Variants in SLITRK2 observed in about 807,000 individuals in gnomAD.
SLITRK2 encodes SLIT and NTRK like family member 2, also known as SLIT and NTRK-like protein 2.
A neutral mutation model predicts 35.4 loss-of-function variants in SLITRK2; 13 were observed. The ratio of observed to expected loss-of-function variants is 0.37; its 90% CI spans 0.24 to 0.58. The LOEUF is 0.58. SLITRK2 is among the 20% of genes least tolerant of loss of function. The pLI is 0.75. For missense variants in SLITRK2, 471 were observed against 634.3 expected (o/e 0.74, Z 2.76); for synonymous variants, 294 against 264.7 (o/e 1.11, Z -1.07).
intron 2 of SLITRK2, 27 bp from the exon 3 acceptor site, chrX:145,821,321 G>T (rs1556943175): frequency 9.1e-6 from 1 of 109,591 alleles, no homozygotes; most frequent in African/African-American, 3.3e-5. Context: ...AAACCCCTCT[G>T]CAGGAGCTTC....
chrX:145,826,041 T>C lies in SLITRK2; in HGVS notation c.*1078T>C, dbSNP rs1256694109. ...ACTTTTTAATTGAAATTAATATTTT[T>C]TCTGCCTATTGAAACATTTTCTATA... On this transcript the variant is annotated 3_prime_UTR_variant, in exon 5 of 5. Transcript: ENST00000335565. The C allele has an allele frequency of 1.8e-5, 2 of 111,554 alleles. No individual in the cohort carries two copies. The highest frequency in any genetic ancestry group is 6.5e-5 in the African/African-American group (2 of 30,708). The allele number at this position is 111,554 out of a possible 1,213,427, so 9.2% of individuals were successfully genotyped here. A position where few individuals can be genotyped will look rare whatever the true frequency, so the allele number is the denominator to read the frequency against.
In SLITRK2 at chrX:145,823,295, T is replaced by G. The variant is rs371180123; in HGVS notation, c.870T>G (p.Asn290Lys). ...TCCAAAGGCTGTCACCTACAATGAA[T>G]CCTGCTCTCAACCCAACCAGGGCTC... is the stretch of plus-strand genomic sequence containing the variant. ...THVQRLSPTM[N>K]PALNPTRAPK... is the part of the protein sequence containing the mutation. The change falls in exon 5 of 5, where the codon AAT (asparagine) becomes AAG (lysine). Residue 290 changes from asparagine to lysine, a missense_variant. Around this residue, in one of 7 missense-constraint regions of SLITRK2, gnomAD observed 56 missense variants for 48.7 expected, o/e 1.15. Transcript: ENST00000335565. 4.2e-4 allele frequency: 514 copies of G among 1,209,686 alleles called. 3 individuals carry two copies. The South Asian group carries it at 6.7e-3, about 16-fold the overall frequency.
At position 145,823,743 on chromosome X, in the gene SLITRK2, C is replaced by G. The variant is rs2124182991; in HGVS notation, c.1318C>G (p.Pro440Ala). The G allele has an allele frequency of 8.3e-7, 1 of 1,211,334 alleles. No individual in the cohort carries two copies. Residue 440 changes from proline to alanine, a missense_variant, in exon 5 of 5, where the codon CCT becomes GCT. Pro to Ala is a conservative substitution (Grantham distance 27). Transcript: ENST00000335565. Reference sequence around the variant, plus strand: ...TGGCAATTACCTTGAAGTGCTGTACCCTTCTATGTTTGATGGACTGCAGAG... The same window carrying G: ...TGGCAATTACCTTGAAGTGCTGTACGCTTCTATGTTTGATGGACTGCAGAG... ...LNGNYLEVLY[P>A]SMFDGLQSLQ... is the part of the protein sequence containing the mutation.
In SLITRK2 at chrX:145,824,529, A is replaced by G. The variant is rs2073086926; in HGVS notation, c.2104A>G (p.Met702Val). The G allele has an allele frequency of 1.7e-6, 2 of 1,211,019 alleles. No homozygotes were observed. The highest frequency in any genetic ancestry group is 5.9e-5 in the East Asian group (2 of 33,794). Residue 702 changes from methionine (M) to valine (V), a missense_variant, in exon 5 of 5, where the codon ATG (methionine) becomes GTG (valine). Around this residue, in one of 7 missense-constraint regions of SLITRK2, gnomAD observed 190 missense variants for 199.3 expected, o/e 0.95. Coordinates refer to ENST00000335565, the MANE Select transcript of SLITRK2 (RefSeq NM_032539.5). ...TCAGATGTGCCAAAACCCCATCTAC[A>G]TGCAGAAGGAAGGAGACCCAGTAGC... ...VGQMCQNPIY[M>V]QKEGDPVAYY...
rs2124211505 is a variant in SLITRK2 at position 145,824,745 on chromosome X, T to C, written c.2320T>C (p.Tyr774His). 1.7e-6 allele frequency: 2 copies of C among 1,211,408 alleles called. No individual in the cohort carries two copies. The highest frequency in any genetic ancestry group is 2.2e-6 in the Non-Finnish European group (2 of 895,428). ...KELPSAGLVH[Y>H]NFCTLPKRQF... The stretch of plus-strand genomic sequence containing the variant: ...ACTTCCCAGCGCAGGCCTAGTCCAC[T>C]ATAACTTTTGTACCTTACCTAAAAG... Residue 774 changes from tyrosine (Y) to histidine (H), a missense_variant, in exon 5 of 5, where the codon TAT (tyrosine) becomes CAT (histidine). By Grantham distance (83) the Tyr-to-His change is moderately conservative. This residue lies in a region of SLITRK2 where 190 missense variants were observed against 199.3 expected (regional missense o/e 0.95). Transcript: ENST00000335565.
Position 145,824,382 on chromosome X carries a change from G to A in SLITRK2, c.1957G>A (p.Val653Ile), listed in dbSNP as rs1341479535. The change falls in exon 5 of 5, where the codon GTT becomes ATT. Residue 653 changes from valine (V) to isoleucine (I), a missense_variant. Transcript: ENST00000335565. ...VLKRRKGVPS[V>I]PRNTNNLDVS... ...GAAACGCCGAAAGGGAGTGCCGAGCGTTCCCAGGAATACCAACAACTTAGA... is the reference window on the plus strand; with the variant it reads ...GAAACGCCGAAAGGGAGTGCCGAGCATTCCCAGGAATACCAACAACTTAGA... The A allele has an allele frequency of 1.7e-5, 20 of 1,208,822 alleles. No homozygotes were observed. Among genetic ancestry groups the A allele is most frequent in the Middle Eastern group, 2.3e-4 (1 of 4,376 alleles).
rs781950359 is a variant in SLITRK2, at chrX:145,822,973, T to C, written c.548T>C (p.Leu183Pro). 1 of 1,211,673 alleles carries C rather than the reference T, an allele frequency of 8.3e-7. No homozygotes were observed. Residue 183 changes from leucine to proline, a missense_variant, in exon 5 of 5, where the codon CTG becomes CCG. By Grantham distance (98) the Leu-to-Pro change is moderately conservative (BLOSUM62 -3). Transcript: ENST00000335565. ...LPSNVFRFVL[L>P]THLDLRGNRL... ...AGCAATGTGTTCCGCTTTGTCCTGC[T>C]GACCCACTTAGACCTCAGGGGGAAT...
chrX:145,823,664 C>T lies in SLITRK2; in HGVS notation c.1239C>T (p.Val413=), dbSNP rs2124180893. ...ACTTAGGAAACAACAGGATTGCAGT[C>T]ATTCAGGAAGGTGCCTTTACAAACC... ...LLHLGNNRIA[V]IQEGAFTNLT... The change falls in exon 5 of 5, where the codon GTC becomes GTT. Residue 413 remains valine, a synonymous_variant. Transcript: ENST00000335565. The T allele has an allele frequency of 8.3e-7, 1 of 1,211,184 alleles. No homozygotes were observed. Among genetic ancestry groups the T allele is most frequent in the South Asian group, 1.8e-5 (1 of 56,831 alleles).
Position 145,824,395 on chromosome X carries a change from CCAA to C in SLITRK2, c.1975_1977del (p.Asn659del), listed in dbSNP as rs782455491. ...GGAGTGCCGAGCGTTCCCAGGAATA[CCAA>C]CAACTTAGACGTAAGCTCCTTTCAA... On this transcript the variant is annotated inframe_deletion, in exon 5 of 5. Coordinates refer to ENST00000335565, the MANE Select transcript of SLITRK2 (RefSeq NM_032539.5). 14 of 1,208,844 alleles carry C rather than the reference CCAA, an allele frequency of 1.2e-5. No homozygotes were observed. Among genetic ancestry groups the C allele is most frequent in the Non-Finnish European group, 1.5e-5 (13 of 894,911 alleles).
In SLITRK2 at chrX:145,826,159, A is replaced by C. The variant is rs1374696452; in HGVS notation, c.*1196A>C. On this transcript the variant is annotated 3_prime_UTR_variant, in exon 5 of 5. Coordinates refer to ENST00000335565, the MANE Select transcript of SLITRK2 (RefSeq NM_032539.5). Reference sequence around the variant, plus strand: ...AAGGAAGACTTCATGGGTGAGATTAAAACTTCCCAAGTAAGTTCTCTGCAA... The same window carrying C: ...AAGGAAGACTTCATGGGTGAGATTACAACTTCCCAAGTAAGTTCTCTGCAA... 5 of 111,689 alleles carry C rather than the reference A, an allele frequency of 4.5e-5. No individual in the cohort carries two copies. Among genetic ancestry groups the C allele is most frequent in the Non-Finnish European group, 9.4e-5 (5 of 53,132 alleles). The allele number at this position is 111,689 out of a possible 1,213,427, so 9.2% of individuals were successfully genotyped here.
intron 1 of SLITRK2, chrX:145,819,517 C>A (rs998756981): frequency 2.7e-5 from 3 of 112,302 alleles, no homozygotes; most frequent in African/African-American, 9.7e-5. Flanking sequence ...CACGTCTTTA[C>A]TTCAGTTAAA....
intron 1 of SLITRK2, 91 bp from the exon 2 acceptor site, chrX:145,820,383 C>A (rs1164741758): frequency 8.9e-6 from 1 of 112,421 alleles, no homozygotes; most frequent in Non-Finnish European, 1.9e-5. Context: ...CAACACCTGG[C>A]CATTAGCAAT....
At chrX:145,819,226 C>G (rs1489534766) in intron 1 of SLITRK2, 1 of 112,086 alleles carries the variant, frequency 8.9e-6, no homozygotes, top group African/African-American at 3.3e-5. Context: ...ATTACTGTAT[C>G]TGAGAACCGA....
Position 145,822,545 on chromosome X carries a change from C to T in SLITRK2, c.120C>T (p.Asn40=), listed in dbSNP as rs2073040679. Residue 40 remains asparagine (N), a synonymous_variant, in exon 5 of 5, where the codon AAC becomes AAT. Transcript: ENST00000335565. ...KIRCLCEEKE[N]VLNINCENKG... Reference sequence around the variant, plus strand: ...GCTGTCTGTGCGAAGAAAAGGAAAACGTACTGAATATCAACTGTGAGAACA... The same window carrying T: ...GCTGTCTGTGCGAAGAAAAGGAAAATGTACTGAATATCAACTGTGAGAACA... 1 of 1,209,845 alleles carries T rather than the reference C, an allele frequency of 8.3e-7. No individual in the cohort carries two copies. The highest frequency in any genetic ancestry group is 2.2e-5 in the Admixed American group (1 of 45,768).
In SLITRK2 at chrX:145,827,664, A is replaced by C. The variant is rs2073138239; in HGVS notation, c.*2701A>C. On this transcript the variant is annotated 3_prime_UTR_variant, in exon 5 of 5. Transcript: ENST00000335565. ...TACTTAATTTGCAGTAGATTTTTAAATGAAATTATTTGAATGTATTCCAGA... is the reference window on the plus strand; with the variant it reads ...TACTTAATTTGCAGTAGATTTTTAACTGAAATTATTTGAATGTATTCCAGA... 9.4e-7 allele frequency: 1 copy of C among 1,064,995 alleles called. No homozygotes were observed. Among genetic ancestry groups the C allele is most frequent in the Admixed American group, 3.3e-5 (1 of 30,330 alleles). The allele number at this position is 1,064,995 out of a possible 1,213,427, so 87.8% of individuals were successfully genotyped here.
chrX:145,823,431 G>C lies in SLITRK2; in HGVS notation c.1006G>C (p.Val336Leu), dbSNP rs782267830. The change falls in exon 5 of 5, where the codon GTG (valine) becomes CTG (leucine). Residue 336 changes from valine to leucine, a missense_variant. Physicochemically the swap from Val to Leu is conservative, Grantham distance 32. Transcript: ENST00000335565. ...PIMVYQTKSPVPLTCPSSCVC... is the reference protein window; with the variant it reads ...PIMVYQTKSPLPLTCPSSCVC... ...CATGGTGTACCAGACCAAGTCTCCT[G>C]TGCCTCTCACCTGTCCCAGCAGCTG... The C allele has an allele frequency of 2.5e-6, 3 of 1,211,446 alleles. No individual in the cohort carries two copies. The highest frequency in any genetic ancestry group is 3.4e-6 in the Non-Finnish European group (3 of 895,162).
rs781907075 is a variant in SLITRK2, at chrX:145,824,377, C to T, written c.1952C>T (p.Pro651Leu). 25 of 1,208,702 alleles carry T rather than the reference C, an allele frequency of 2.1e-5. No homozygotes were observed. The African/African-American group carries it at 2.6e-4, about 13-fold the overall frequency. Residue 651 changes from proline to leucine, a missense_variant, in exon 5 of 5, where the codon CCG becomes CTG. Physicochemically the swap from Pro to Leu is moderately conservative, Grantham distance 98. Coordinates refer to ENST00000335565, the MANE Select transcript of SLITRK2 (RefSeq NM_032539.5). ...VFVLKRRKGVPSVPRNTNNLD... is the reference protein window; with the variant it reads ...VFVLKRRKGVLSVPRNTNNLD... ...GTCTTGAAACGCCGAAAGGGAGTGC[C>T]GAGCGTTCCCAGGAATACCAACAAC...
chrX:145,821,232 G>A (rs1403593312), intron 2 of SLITRK2, 116 bp from the exon 3 acceptor site: 1 of 108,183 alleles, frequency 9.2e-6, no homozygotes, highest in Non-Finnish European at 1.9e-5. Context: ...GTGTAGGTGA[G>A]AGAAAGAGGG....
intron 1 of SLITRK2, chrX:145,818,344 T>C (rs911151410): frequency 8.9e-6 from 1 of 112,513 alleles, no homozygotes; most frequent in African/African-American, 3.2e-5. Flanking sequence ...CCAAGTCCCA[T>C]GGCGAGGGCA....
Sources: allele counts gnomAD v4.1 joint callset, GRCh38; gene constraint gnomAD v4.1.1; regional missense constraint gnomAD v4.1.1; transcripts MANE v1.5; gene names NCBI Gene and HGNC (gene_info 2026-07-23, HGNC 2026-07-21).